Variants in CSMD1 observed in about 807,000 individuals in gnomAD.
CSMD1 encodes the protein CUB and sushi domain-containing protein 1.
CSMD1 carries 213 observed loss-of-function variants against 417.5 expected under a neutral mutation model. That is an observed-to-expected ratio of 0.51 (90% CI 0.46 to 0.57). The LOEUF (loss-of-function observed/expected upper bound fraction) is 0.57, where lower values mean the gene tolerates loss of function less well. Among genes scored for constraint, CSMD1 ranks in the 20% least tolerant of loss-of-function variants. The pLI, the probability that CSMD1 is intolerant of heterozygous loss-of-function variation, is 0.00. For missense variants in CSMD1, 6,923 were observed against 4,529.7 expected, an observed-to-expected ratio of 1.53 and a Z score of -15.17; for synonymous variants, 2,862 against 1,736.8, an observed-to-expected ratio of 1.65 and a Z score of -16.11.
At chr8:3,957,462 G>A (rs998742921) in intron 5 of CSMD1, among the ~76,000 whole-genome samples, 1 of 152,092 alleles carries the variant, frequency 6.6e-6, no homozygotes, top group Admixed American at 6.6e-5. Flanking sequence ...AGAAGCCCCT[G>A]AGCCTAGGAG....
chr8:4,381,142 A>G (rs1377776807), intron 3 of CSMD1, among the ~76,000 whole-genome samples: 3 of 152,206 alleles, frequency 2.0e-5, no homozygotes, highest in Admixed American at 1.3e-4. Flanking sequence ...TGACTTCAGA[A>G]CTAAAGAAGT....
intron 26 of CSMD1, among the ~76,000 whole-genome samples, chr8:3,257,171 A>C (rs140741922): frequency 1.3e-5 from 2 of 152,024 alleles, no homozygotes; most frequent in East Asian, 3.9e-4. Context: ...AAAACACAAA[A>C]ATTTGCTGGG....
intron 37 of CSMD1, among the ~76,000 whole-genome samples, chr8:3,166,507 C>A (rs1820226161): frequency 6.6e-6 from 1 of 152,070 alleles, no homozygotes; most frequent in Non-Finnish European, 1.5e-5. Context: ...GCACTCCAGC[C>A]TGGGCAACAG....
intron 2 of CSMD1, among the ~76,000 whole-genome samples, chr8:4,436,852 T>A (rs1257825353): frequency 1.3e-5 from 2 of 152,168 alleles, no homozygotes; most frequent in African/African-American, 4.8e-5. Context: ...GTGAATCTCA[T>A]CCTTTTTGTG....
intron 12 of CSMD1, among the ~76,000 whole-genome samples, chr8:3,457,691 G>C (rs946376754): frequency 1.3e-5 from 2 of 152,160 alleles, no homozygotes; most frequent in African/African-American, 4.8e-5. Flanking sequence ...AAAGACTCTT[G>C]TTGAGATCAT....
chr8:3,885,696 G>T (rs562160750), intron 5 of CSMD1, among the ~76,000 whole-genome samples: 15 of 152,140 alleles, frequency 9.9e-5, no homozygotes, highest in Admixed American at 8.5e-4. Context: ...AGAAATGCAC[G>T]TGTGAGCTCA....
At chr8:3,122,196 T>C (rs1218550363) in intron 41 of CSMD1, among the ~76,000 whole-genome samples, 1 of 152,194 alleles carries the variant, frequency 6.6e-6, no homozygotes, top group Non-Finnish European at 1.5e-5. Flanking sequence ...GATAAATTAC[T>C]AGTTATAGAA....
intron 6 of CSMD1, among the ~76,000 whole-genome samples, chr8:3,752,760 C>T (rs959410758): frequency 1.3e-5 from 2 of 148,498 alleles, no homozygotes; most frequent in Admixed American, 6.7e-5. Flanking sequence ...GTTCTGCGTA[C>T]ATCATGTGCC....
At position 4,817,284 on chromosome 8, in the gene CSMD1, C is replaced by T. The variant is rs1178187128; in HGVS notation, c.85+177048G>A. Among the ~76,000 whole-genome samples the T allele has an allele frequency of 2.0e-5, 3 of 152,268 alleles. No homozygotes were observed. In the South Asian group the frequency reaches 6.2e-4, roughly 32 times the overall value. Reference sequence around the variant, plus strand: ...CCCACTAATATGTGTGCCAGGCCTGCCCAATCAAGCTATACATTAAGGTGG... The same window carrying T: ...CCCACTAATATGTGTGCCAGGCCTGTCCAATCAAGCTATACATTAAGGTGG... On this transcript the variant is annotated intron_variant, in intron 1 of 69. Transcript: ENST00000635120.
chr8:4,500,766 G>C (rs145640455), intron 2 of CSMD1, among the ~76,000 whole-genome samples: 12 of 152,178 alleles, frequency 7.9e-5, no homozygotes, highest in African/African-American at 2.2e-4. Context: ...TGTTATGTTT[G>C]GCAATTTTAA....
At chr8:4,685,604 A>G (rs575158948) in intron 1 of CSMD1, among the ~76,000 whole-genome samples, 1 of 152,248 alleles carries the variant, frequency 6.6e-6, no homozygotes, top group Non-Finnish European at 1.5e-5. Flanking sequence ...AAAGAAAGAA[A>G]GAAAGAAAAA....
intron 3 of CSMD1, among the ~76,000 whole-genome samples, chr8:4,370,249 A>C (rs1563103001): frequency 6.6e-6 from 1 of 151,798 alleles, no homozygotes; most frequent in Non-Finnish European, 1.5e-5. Flanking sequence ...TTACTTTTTA[A>C]GGATATTCAA....
In CSMD1 at chr8:4,569,061, G is replaced by A. The variant is rs184446665; in HGVS notation, c.302+68281C>T. 3.7e-3 allele frequency among the ~76,000 whole-genome samples: 560 copies of A among 152,178 alleles called. 3 individuals are homozygous for A. The highest frequency in any genetic ancestry group is 0.013 in the African/African-American group (530 of 41,520). ...GATTGACAAAATTTTCTCCCATTCT[G>A]TAGGTTGCCTGTTCACTGTTCACTG... On this transcript the variant is annotated intron_variant, in intron 2 of 69. Coordinates refer to ENST00000635120, the MANE Select transcript of CSMD1 (RefSeq NM_033225.6).
intron 5 of CSMD1, among the ~76,000 whole-genome samples, chr8:3,835,936 TG>T (rs1802668624): frequency 6.6e-6 from 1 of 152,248 alleles, no homozygotes; most frequent in East Asian, 1.9e-4. Flanking sequence ...AGGAACAATA[TG>T]GGTCCAGGAA....
intron 1 of CSMD1, among the ~76,000 whole-genome samples, chr8:4,915,028 G>C (rs1239050624): frequency 6.6e-6 from 1 of 152,136 alleles, no homozygotes; most frequent in Admixed American, 6.5e-5. Flanking sequence ...TTAGATATGA[G>C]AAACTGCACG....
intron 10 of CSMD1, among the ~76,000 whole-genome samples, chr8:3,513,968 C>T (rs957764930): frequency 7.2e-5 from 11 of 152,152 alleles, no homozygotes; most frequent in African/African-American, 1.2e-4. Context: ...AATAAGAAAA[C>T]AGAGAAGGTA....
At chr8:4,015,943 C>T (rs777713908) in intron 4 of CSMD1, among the ~76,000 whole-genome samples, 1 of 152,144 alleles carries the variant, frequency 6.6e-6, no homozygotes, top group Non-Finnish European at 1.5e-5. Flanking sequence ...TCTTCAACTG[C>T]CCCCAAGAAG....
intron 3 of CSMD1, among the ~76,000 whole-genome samples, chr8:4,068,055 TG>T (rs1173266467): frequency 4.0e-5 from 6 of 151,846 alleles, no homozygotes; most frequent in African/African-American, 1.5e-4. Context: ...CACTCCAGCC[TG>T]GCGACAGAGG....
chr8:4,714,864 A>G (rs966885571), intron 1 of CSMD1, among the ~76,000 whole-genome samples: 1 of 152,228 alleles, frequency 6.6e-6, no homozygotes, highest in African/African-American at 2.4e-5. Context: ...AAAACCGAAG[A>G]AAAAAATCTG....
Sources: allele counts gnomAD v4.1 joint callset (sites outside exome capture counted in the v4.1 genomes callset), GRCh38; gene constraint gnomAD v4.1.1; transcripts MANE v1.5; gene names NCBI Gene and HGNC (gene_info 2026-07-23, HGNC 2026-07-21).